CNTN3: variants seen among roughly 807,000 people sequenced by gnomAD.
CNTN3 encodes the protein contactin-3.
CNTN3 carries 60 observed loss-of-function variants against 119.1 expected under a neutral mutation model. That is an observed-to-expected ratio of 0.50 (90% CI 0.41 to 0.62). CNTN3 has a LOEUF of 0.62. CNTN3 is among the 20% of genes least tolerant of loss of function. CNTN3 has a pLI of 0.00. For missense variants in CNTN3, 1,101 were observed against 1,242.4 expected, an observed-to-expected ratio of 0.89 and a Z score of 1.71; for synonymous variants, 450 against 438.7, an observed-to-expected ratio of 1.03 and a Z score of -0.32.
chr3:74,448,743 A>C (rs1002350578), intron 4 of CNTN3, among the ~76,000 whole-genome samples: 24 of 152,142 alleles, frequency 1.6e-4, no homozygotes, highest in African/African-American at 5.6e-4. Context: ...TTTTATGGCT[A>C]TGTTTAATAA....
chr3:74,406,515 G>T (rs1351880544), intron 5 of CNTN3, among the ~76,000 whole-genome samples: 1 of 149,280 alleles, frequency 6.7e-6, no homozygotes, highest in African/African-American at 2.5e-5. Context: ...TTTCTTATTT[G>T]AAAAAAATCA....
chr3:74,349,686 T>TG (rs1247164957), intron 11 of CNTN3, among the ~76,000 whole-genome samples: 1 of 152,238 alleles, frequency 6.6e-6, no homozygotes, highest in Non-Finnish European at 1.5e-5. Context: ...TAGCATGTAA[T>TG]GATATTGGGC....
chr3:74,609,972 A>G (rs567293776), intron 1 of CNTN3, among the ~76,000 whole-genome samples: 76 of 152,274 alleles, frequency 5.0e-4, no homozygotes, highest in African/African-American at 1.8e-3. Flanking sequence ...GAAATCAGAG[A>G]GCCCTCTCTA....
intron 2 of CNTN3, among the ~76,000 whole-genome samples, chr3:74,501,346 G>A (rs752076154): frequency 4.6e-5 from 7 of 151,948 alleles, no homozygotes; most frequent in African/African-American, 1.5e-4. Context: ...GAGGCTCAAC[G>A]AGTTCCTGGT....
At chr3:74,302,107 C>A (rs773167789) in intron 14 of CNTN3, among the ~76,000 whole-genome samples, 1 of 152,182 alleles carries the variant, frequency 6.6e-6, no homozygotes, top group Non-Finnish European at 1.5e-5. Context: ...GATTCCTGTA[C>A]CTTTCTAAAT....
At chr3:74,303,346 G>T (rs1702495705) in intron 13 of CNTN3, among the ~76,000 whole-genome samples, 1 of 152,106 alleles carries the variant, frequency 6.6e-6, no homozygotes, top group African/African-American at 2.4e-5. Context: ...GGGACAGTAA[G>T]CATGAAAGCA....
chr3:74,357,031 CT>C (rs1308540229), intron 11 of CNTN3, among the ~76,000 whole-genome samples: 1 of 151,868 alleles, frequency 6.6e-6, no homozygotes, highest in Non-Finnish European at 1.5e-5. Context: ...TCACGCCATT[CT>C]CCTGCCTCAG....
At chr3:74,473,067 A>G (rs1702593677) in intron 4 of CNTN3, among the ~76,000 whole-genome samples, 2 of 151,458 alleles carry the variant, frequency 1.3e-5, no homozygotes, top group Admixed American at 1.3e-4. Context: ...ATAATAATTA[A>G]AAAATTAAAA....
intron 13 of CNTN3, among the ~76,000 whole-genome samples, chr3:74,311,930 A>G (rs559518382): frequency 5.9e-5 from 9 of 152,260 alleles, no homozygotes; most frequent in Middle Eastern, 3.4e-3. Context: ...GAAAACATGA[A>G]CTATAATTGA....
chr3:74,432,193 T>A (rs1336124355), intron 4 of CNTN3, among the ~76,000 whole-genome samples: 1 of 152,136 alleles, frequency 6.6e-6, no homozygotes, highest in African/African-American at 2.4e-5. Context: ...TGCACTGCCA[T>A]GCAAAAGCTA....
At chr3:74,570,735 T>C (rs62268772) in intron 1 of CNTN3, among the ~76,000 whole-genome samples, 19,444 of 152,234 alleles carry the variant, frequency 0.13, 1,410 homozygotes, top group East Asian at 0.33. Flanking sequence ...TTCTGAGGTC[T>C]TCCTCCCTCA....
chr3:74,376,269 T>C (rs1559570744), intron 5 of CNTN3, among the ~76,000 whole-genome samples: 1 of 152,162 alleles, frequency 6.6e-6, no homozygotes, highest in Non-Finnish European at 1.5e-5. Flanking sequence ...CATGGACCAG[T>C]ACTGGTCTGT....
chr3:74,366,583 C>T (rs1168231930), intron 8 of CNTN3, among the ~76,000 whole-genome samples: 2 of 151,628 alleles, frequency 1.3e-5, no homozygotes, highest in African/African-American at 4.8e-5. Context: ...CATTTGCATC[C>T]TCCATATGGA....
intron 13 of CNTN3, among the ~76,000 whole-genome samples, chr3:74,304,489 G>A (rs1386258185): frequency 6.6e-6 from 1 of 152,174 alleles, no homozygotes; most frequent in Non-Finnish European, 1.5e-5. Context: ...CTAAGGCATT[G>A]GGGTAAGGTT....
intron 20 of CNTN3, among the ~76,000 whole-genome samples, chr3:74,269,395 AT>A (rs1343676981): frequency 6.6e-6 from 1 of 152,102 alleles, no homozygotes; most frequent in Non-Finnish European, 1.5e-5. Context: ...TATTTGGGAA[AT>A]TTTGGACCAG....
Position 74,267,382 on chromosome 3 carries a change from G to C in CNTN3, c.2705-4C>G. ...TTTCCTGGTGGCTGACTGGGAGCTT[G>C]AAATGCAAAATGAGAAATTTTAAAA... On this transcript the variant is annotated splice_polypyrimidine_tract_variant and splice_region_variant and intron_variant, in intron 20 of 22. Coordinates refer to ENST00000263665, the MANE Select transcript of CNTN3 (RefSeq NM_020872.3). The C allele has an allele frequency of 6.3e-7, 1 of 1,595,280 alleles. No individual in the cohort carries two copies. The highest frequency in any genetic ancestry group is 8.6e-7 in the Non-Finnish European group (1 of 1,163,208).
chr3:74,569,528 C>T (rs1355366713), intron 1 of CNTN3, among the ~76,000 whole-genome samples: 1 of 152,166 alleles, frequency 6.6e-6, no homozygotes, highest in Non-Finnish European at 1.5e-5. Context: ...TCACTCTCAA[C>T]TCAGCACTTC....
chr3:74,575,880 C>T (rs1704407426), intron 1 of CNTN3, among the ~76,000 whole-genome samples: 1 of 152,010 alleles, frequency 6.6e-6, no homozygotes, highest in Non-Finnish European at 1.5e-5. Context: ...GTTTGAAAGA[C>T]AAGCCCAGGT....
chr3:74,614,510 C>G lies in CNTN3; in HGVS notation c.-200G>C, dbSNP rs1183032066. Among the ~76,000 whole-genome samples the G allele has an allele frequency of 1.4e-5, 2 of 147,106 alleles. No individual in the cohort carries two copies. The highest frequency in any genetic ancestry group is 2.0e-4 in the East Asian group (1 of 5,064). On this transcript the variant is annotated 5_prime_UTR_variant, in exon 1 of 23. Transcript: ENST00000263665. ...TCCGGGCCCGGGGGGCCGCCGTGCG[C>G]GCCCGCGTAAGCCGCCGCCGCCGCA...
Sources: allele counts gnomAD v4.1 joint callset (sites outside exome capture counted in the v4.1 genomes callset), GRCh38; gene constraint gnomAD v4.1.1; transcripts MANE v1.5; gene names NCBI Gene and HGNC (gene_info 2026-07-23, HGNC 2026-07-21).